Variants in BTRC observed in about 807,000 individuals in gnomAD.
BTRC encodes the protein F-box/WD repeat-containing protein 1A.
In BTRC, 42 loss-of-function variants were observed where a neutral mutation model predicts 85.5. The ratio of observed to expected loss-of-function variants is 0.49; its 90% confidence interval spans 0.38 to 0.64. The LOEUF (loss-of-function observed/expected upper bound fraction) is 0.64, where lower values mean the gene tolerates loss of function less well. Ranked by LOEUF, BTRC falls within the 30% of genes least tolerant of loss-of-function variation. BTRC has a pLI of 0.00. For missense variants in BTRC, 594 were observed against 743.5 expected (o/e 0.80, Z 2.34); for synonymous variants, 255 against 263.3 (o/e 0.97, Z 0.30).
intron 1 of BTRC, among the ~76,000 whole-genome samples, chr10:101,366,860 T>TTA (rs373264156): frequency 0.26 from 6,526 of 25,198 alleles, 1,967 homozygotes; most frequent in African/African-American, 0.59. Context: ...TAATATATAT[T>TTA]TATATATTAA....
chr10:101,471,070 C>A (rs1396117413), intron 3 of BTRC, among the ~76,000 whole-genome samples: 1 of 152,110 alleles, frequency 6.6e-6, no homozygotes, highest in Non-Finnish European at 1.5e-5. Context: ...TATCCTTGCA[C>A]CAAATACCAT....
chr10:101,445,403 A>G (rs1944795880), intron 2 of BTRC, among the ~76,000 whole-genome samples: 1 of 152,186 alleles, frequency 6.6e-6, no homozygotes, highest in Non-Finnish European at 1.5e-5. Flanking sequence ...ATATATTTCA[A>G]CTGCTGAGCA....
At chr10:101,431,151 A>G (rs543325441) in intron 2 of BTRC, among the ~76,000 whole-genome samples, 2 of 136,750 alleles carry the variant, frequency 1.5e-5, no homozygotes, top group South Asian at 4.5e-4. Flanking sequence ...ATCTCAGCTC[A>G]CTGCATCCTG....
chr10:101,370,947 C>T (rs1052162125), intron 1 of BTRC, among the ~76,000 whole-genome samples: 50 of 152,154 alleles, frequency 3.3e-4, no homozygotes, highest in Admixed American at 3.1e-3. Context: ...CATACACACA[C>T]ATATAAGCTT....
At chr10:101,482,097 A>G (rs1290466887) in intron 4 of BTRC, among the ~76,000 whole-genome samples, 2 of 151,942 alleles carry the variant, frequency 1.3e-5, no homozygotes, top group Non-Finnish European at 2.9e-5. Context: ...TTGGCTTACT[A>G]CAACCTCCAC....
intron 2 of BTRC, among the ~76,000 whole-genome samples, chr10:101,450,973 A>G (rs963681889): frequency 3.3e-5 from 5 of 152,186 alleles, no homozygotes; most frequent in African/African-American, 1.2e-4. Context: ...TTCTCTGATA[A>G]TGAAACATTT....
At chr10:101,522,381 A>C (rs867322684) in intron 5 of BTRC, among the ~76,000 whole-genome samples, 57 of 137,054 alleles carry the variant, frequency 4.2e-4, no homozygotes, top group African/African-American at 1.4e-3. Context: ...AAAAAACAAA[A>C]AAAAAAAAAC....
At chr10:101,354,109 C>A, upstream of BTRC, 5 of 1,512,318 alleles carry the variant, frequency 3.3e-6, no homozygotes, top group East Asian at 2.5e-5. Context: ...GGGATCCGGG[C>A]GCTGCGTTGG....
chr10:101,531,181 T>A (rs11816753), intron 6 of BTRC, 56 bp from the exon 7 acceptor site: 109,152 of 1,354,478 alleles, frequency 0.081, 9,509 homozygotes, highest in African/African-American at 0.43. Context: ...AAAATATATA[T>A]GTATTTAAAT....
chr10:101,414,619 G>A (rs1474367758), intron 1 of BTRC: 1 of 516,412 alleles, frequency 1.9e-6, no homozygotes, highest in South Asian at 1.4e-5. Context: ...GATGTCATAG[G>A]AGATGACAGG....
At chr10:101,405,513 T>C (rs1351629689) in intron 1 of BTRC, among the ~76,000 whole-genome samples, 1 of 152,214 alleles carries the variant, frequency 6.6e-6, no homozygotes, top group Non-Finnish European at 1.5e-5. Flanking sequence ...GGAGCTCTCT[T>C]TACTGACACC....
chr10:101,409,334 T>G (rs1170795568), intron 1 of BTRC, among the ~76,000 whole-genome samples: 1 of 152,250 alleles, frequency 6.6e-6, no homozygotes, highest in Non-Finnish European at 1.5e-5. Flanking sequence ...ATATGTGACT[T>G]TTTGTGTATG....
chr10:101,452,002 A>G (rs941645230), intron 2 of BTRC, among the ~76,000 whole-genome samples: 1 of 152,186 alleles, frequency 6.6e-6, no homozygotes, highest in Non-Finnish European at 1.5e-5. Context: ...AAATCAAAGG[A>G]GTTTGTCAAA....
At chr10:101,444,756 C>T (rs1348474609) in intron 2 of BTRC, among the ~76,000 whole-genome samples, 2 of 152,114 alleles carry the variant, frequency 1.3e-5, no homozygotes, top group Admixed American at 6.5e-5. Flanking sequence ...CTTACTAGTC[C>T]GCCTGAAAAC....
At chr10:101,425,626 CTTTT>C (rs59643321) in intron 1 of BTRC, among the ~76,000 whole-genome samples, 2 of 139,714 alleles carry the variant, frequency 1.4e-5, no homozygotes, top group East Asian at 2.1e-4. Context: ...TTAAAACCTG[CTTTT>C]TTTTTTTTTT....
At chr10:101,482,250 A>G (rs2134233239) in intron 4 of BTRC, among the ~76,000 whole-genome samples, 1 of 152,056 alleles carries the variant, frequency 6.6e-6, no homozygotes, top group South Asian at 2.1e-4. Flanking sequence ...CGAGCTTCTG[A>G]CCTCAGGTGA....
intron 1 of BTRC, among the ~76,000 whole-genome samples, chr10:101,377,709 G>A (rs1045874139): frequency 6.6e-6 from 1 of 152,148 alleles, no homozygotes; most frequent in Non-Finnish European, 1.5e-5. Flanking sequence ...TATTTGATAT[G>A]CCTAACTTTA....
intron 3 of BTRC, among the ~76,000 whole-genome samples, chr10:101,462,455 G>A (rs937683505): frequency 6.6e-6 from 1 of 152,106 alleles, no homozygotes; most frequent in African/African-American, 2.4e-5. Context: ...TGAGGCAGGC[G>A]AATACCTGAA....
chr10:101,509,670 A>C (rs1589571546), intron 4 of BTRC, among the ~76,000 whole-genome samples: 1 of 147,486 alleles, frequency 6.8e-6, no homozygotes. Context: ...CTCCCACCTC[A>C]GCCTCCCAAG....
Sources: allele counts gnomAD v4.1 joint callset (sites outside exome capture counted in the v4.1 genomes callset), GRCh38; gene constraint gnomAD v4.1.1; transcripts MANE v1.5; gene names NCBI Gene and HGNC (gene_info 2026-07-23, HGNC 2026-07-21).